Variants in NLGN1 observed in about 807,000 individuals in gnomAD.
NLGN1 encodes neuroligin-1.
In NLGN1, 12 loss-of-function variants were observed where a neutral mutation model predicts 65.5. The ratio of observed to expected loss-of-function variants is 0.18; its 90% confidence interval spans 0.12 to 0.30. The LOEUF is 0.30. Among genes scored for constraint, NLGN1 ranks in the 10% least tolerant of loss-of-function variants. The probability of loss-of-function intolerance (pLI) is 1.00; values close to 1 mark genes in which losing one functional copy is unlikely to be tolerated. For missense variants in NLGN1, 750 were observed against 1,007.1 expected, an observed-to-expected ratio of 0.74 and a Z score of 3.46; for synonymous variants, 350 against 359.5, an observed-to-expected ratio of 0.97 and a Z score of 0.30.
chr3:173,732,604 A>G lies in NLGN1; in HGVS notation c.494-75076A>G, dbSNP rs142132989. ...AGTTACAGTGAAAATAGTTATTTTT[A>G]TTTTAGTTTAGGTTAGTTTTTCTGT... On this transcript the variant is annotated intron_variant, in intron 3 of 6. Coordinates refer to ENST00000457714, the Ensembl canonical transcript of NLGN1. Among the ~76,000 whole-genome samples, 244 of 152,204 alleles carry G rather than the reference A, an allele frequency of 1.6e-3. 1 individual carries two copies. The highest frequency in any genetic ancestry group is 5.5e-3 in the African/African-American group (228 of 41,542).
At chr3:173,876,641 A>C (rs2150900196) in intron 4 of NLGN1, among the ~76,000 whole-genome samples, 1 of 152,258 alleles carries the variant, frequency 6.6e-6, no homozygotes, top group African/African-American at 2.4e-5. Flanking sequence ...GCCAGAAAAT[A>C]AAAATGTGCT....
chr3:174,212,475 G>A (rs1736873021), intron 4 of NLGN1, among the ~76,000 whole-genome samples: 1 of 152,234 alleles, frequency 6.6e-6, no homozygotes. Flanking sequence ...GGGAGCCCAG[G>A]CAGAGGAGAT....
intron 4 of NLGN1, among the ~76,000 whole-genome samples, chr3:174,207,491 A>G (rs567295444): frequency 1.3e-5 from 2 of 152,352 alleles, no homozygotes; most frequent in African/African-American, 2.4e-5. Flanking sequence ...TATGTTTTTC[A>G]TTACAAAGAA....
chr3:173,654,048 A>G (rs1759607986), intron 3 of NLGN1, among the ~76,000 whole-genome samples: 1 of 152,178 alleles, frequency 6.6e-6, no homozygotes, highest in African/African-American at 2.4e-5. Context: ...AGCTGATGCC[A>G]TATGGAACTG....
At chr3:174,044,039 G>A (rs368233242) in intron 4 of NLGN1, among the ~76,000 whole-genome samples, 17 of 152,140 alleles carry the variant, frequency 1.1e-4, no homozygotes, top group African/African-American at 2.2e-4. Flanking sequence ...GGAAGCTGCC[G>A]AGGCTTAGGG....
At chr3:173,852,174 G>A (rs1398970101) in intron 4 of NLGN1, among the ~76,000 whole-genome samples, 1 of 151,150 alleles carries the variant, frequency 6.6e-6, no homozygotes, top group Middle Eastern at 3.2e-3. Flanking sequence ...GGCTAACACG[G>A]TGAAACCCTG....
At chr3:173,565,118 G>A (rs1743421161) in intron 2 of NLGN1, among the ~76,000 whole-genome samples, 1 of 152,156 alleles carries the variant, frequency 6.6e-6, no homozygotes, top group South Asian at 2.1e-4. Flanking sequence ...ATGTCAGTCT[G>A]GGTATGTGCA....
intron 4 of NLGN1, among the ~76,000 whole-genome samples, chr3:174,146,770 C>T (rs934955055): frequency 5.3e-5 from 8 of 150,856 alleles, no homozygotes; most frequent in Non-Finnish European, 1.0e-4. Context: ...GTTTCACCAT[C>T]TTGGCCAGGC....
intron 2 of NLGN1, among the ~76,000 whole-genome samples, chr3:173,526,329 T>C (rs553026930): frequency 1.3e-5 from 2 of 152,004 alleles, no homozygotes; most frequent in East Asian, 3.9e-4. Context: ...TTCCTTGTCT[T>C]TTTTTTTAAC....
intron 4 of NLGN1, among the ~76,000 whole-genome samples, chr3:174,046,259 A>T (rs1437875168): frequency 3.9e-5 from 6 of 152,206 alleles, no homozygotes; most frequent in African/African-American, 1.4e-4. Context: ...ATGGATTTGA[A>T]TACAATGGTT....
intron 4 of NLGN1, among the ~76,000 whole-genome samples, chr3:174,065,866 A>G (rs1738430985): frequency 6.6e-6 from 1 of 152,160 alleles, no homozygotes. Flanking sequence ...TCTCTGACCA[A>G]TAGCCGGCAA....
At chr3:174,108,719 G>A (rs1195513517) in intron 4 of NLGN1, among the ~76,000 whole-genome samples, 5 of 152,058 alleles carry the variant, frequency 3.3e-5, no homozygotes, top group Admixed American at 2.0e-4. Flanking sequence ...AAGGATTCTT[G>A]CTAAGACTGA....
intron 3 of NLGN1, 82 bp downstream of exon 2, chr3:173,605,173 A>G (rs2149449088): frequency 2.6e-6 from 3 of 1,167,122 alleles, no homozygotes; most frequent in Non-Finnish European, 3.6e-6. Flanking sequence ...ATTCATGTGT[A>G]CTGGTAGTAT....
At chr3:174,242,415 G>T (rs1396371144) in intron 4 of NLGN1, among the ~76,000 whole-genome samples, 1 of 152,022 alleles carries the variant, frequency 6.6e-6, no homozygotes, top group Non-Finnish European at 1.5e-5. Context: ...AAAAAATCAG[G>T]TGGCATAGCA....
chr3:173,533,695 G>C (rs1292087612), intron 2 of NLGN1, among the ~76,000 whole-genome samples: 1 of 151,962 alleles, frequency 6.6e-6, no homozygotes, highest in Non-Finnish European at 1.5e-5. Flanking sequence ...ATGTAGAAAG[G>C]TCTTGGGGCC....
chr3:173,616,465 A>T (rs1039091788), intron 3 of NLGN1, among the ~76,000 whole-genome samples: 3 of 152,146 alleles, frequency 2.0e-5, no homozygotes, highest in African/African-American at 7.2e-5. Context: ...TTAAATATAT[A>T]GACTTTGTTT....
intron 2 of NLGN1, among the ~76,000 whole-genome samples, chr3:173,582,267 A>G (rs974927236): frequency 3.3e-5 from 5 of 151,940 alleles, no homozygotes; most frequent in Non-Finnish European, 5.9e-5. Flanking sequence ...TTGTCCAGCT[A>G]TTTATCTGAA....
intron 3 of NLGN1, among the ~76,000 whole-genome samples, chr3:173,648,538 T>C (rs970844326): frequency 6.6e-6 from 1 of 152,146 alleles, no homozygotes; most frequent in African/African-American, 2.4e-5. Flanking sequence ...ACAACCACTT[T>C]GGAAAACAAC....
intron 4 of NLGN1, among the ~76,000 whole-genome samples, chr3:173,832,243 C>T (rs1722740857): frequency 2.0e-5 from 3 of 152,094 alleles, no homozygotes; most frequent in African/African-American, 7.2e-5. Context: ...GGACTACAGG[C>T]ATGATCCACT....
Sources: gnomAD v4.1 joint callset for allele counts (sites outside exome capture counted in the v4.1 genomes callset) on GRCh38, gnomAD v4.1.1 for gene constraint, MANE v1.5 for transcripts, NCBI Gene and HGNC (gene_info 2026-07-23, HGNC 2026-07-21) for gene names.